The following ROR2 variants were observed in gnomAD, a reference collection of about 807,000 sequenced individuals.
ROR2 encodes the protein tyrosine-protein kinase transmembrane receptor ROR2.
Under a neutral mutation model 74.9 loss-of-function variants are expected in ROR2, and 33 were observed. The observed-to-expected ratio is 0.44, with a 90% CI of 0.33 to 0.59. The LOEUF is 0.59. Among genes scored for constraint, ROR2 ranks in the 20% least tolerant of loss-of-function variants. The pLI, the probability that ROR2 is intolerant of heterozygous loss-of-function variation, is 0.02. For synonymous variants in ROR2, 586 were observed against 558.7 expected (o/e 1.05, Z -0.69); for missense variants, 1,216 against 1,313.8 (o/e 0.93, Z 1.15).
In ROR2 at chr9:91,733,971, G is replaced by A. The variant is rs1824928763; in HGVS notation, c.623-535C>T. Among the ~76,000 whole-genome samples the A allele has an allele frequency of 6.6e-6, 1 of 152,180 alleles. No individual in the cohort carries two copies. ...TTGGTAAAATGCGGAAAGCCAAGAG[G>A]GTGAGAGCAGCAAAGTGGGAGGAGA... is the stretch of plus-strand genomic sequence containing the variant. On this transcript the variant is annotated intron_variant, in intron 5 of 8. Transcript: ENST00000375708. This position sits in a 1 kb window ranked among gnomAD's most constrained non-coding sequence, Gnocchi z 5.7.
Position 91,724,519 on chromosome 9 carries a change from T to C in ROR2, c.1975A>G (p.Met659Val). The C allele has an allele frequency of 1.2e-6, 2 of 1,614,172 alleles. No individual in the cohort carries two copies. The highest frequency in any genetic ancestry group is 1.7e-6 in the Non-Finnish European group (2 of 1,180,034). The change falls in exon 9 of 9, where the codon ATG (methionine) becomes GTG (valine). Residue 659 changes from methionine (M) to valine (V), a missense_variant. Coordinates refer to ENST00000375708, the MANE Select transcript of ROR2 (RefSeq NM_004560.4). ...CCGTACATGATGGCCTCTGGGGCCA[T>C]CCAGCGGATAGGCAGCAGCGAGTTC... Reference protein sequence around the residue: ...LGNSLLPIRWMAPEAIMYGKF... With the variant: ...LGNSLLPIRWVAPEAIMYGKF...
At position 91,785,191 on chromosome 9, in the gene ROR2, A is replaced by G. The variant is rs958699158; in HGVS notation, c.98-9373T>C. On this transcript the variant is annotated intron_variant, in intron 1 of 8. Coordinates refer to ENST00000375708, the MANE Select transcript of ROR2 (RefSeq NM_004560.4). ...TTCCAGCTGCTCCCCTGCAGTTTGC[A>G]TTTATTCTTTCCTCTGCCTGGAAAA... Among the ~76,000 whole-genome samples the G allele has an allele frequency of 1.4e-4, 22 of 152,044 alleles. 1 individual carries two copies. Among genetic ancestry groups the G allele is most frequent in the Non-Finnish European group, 3.2e-4 (22 of 68,018 alleles).
intron 1 of ROR2, among the ~76,000 whole-genome samples, chr9:91,806,629 GC>G (rs1212183673): frequency 6.6e-6 from 1 of 152,064 alleles, no homozygotes; most frequent in Non-Finnish European, 1.5e-5. Flanking sequence ...TCGCTCTGTC[GC>G]CCAGGCTGGA....
chr9:91,893,570 T>G (rs1830473788), intron 1 of ROR2, among the ~76,000 whole-genome samples: 1 of 152,238 alleles, frequency 6.6e-6, no homozygotes. Flanking sequence ...TCTTCCCATT[T>G]TACTCATTTT....
intron 1 of ROR2, among the ~76,000 whole-genome samples, chr9:91,947,796 C>T (rs551682547): frequency 7.9e-5 from 12 of 152,162 alleles, no homozygotes; most frequent in Non-Finnish European, 1.3e-4. Flanking sequence ...TAAATTATTT[C>T]GTGGATAAAA....
chr9:91,898,934 C>T (rs1830604588), intron 1 of ROR2, among the ~76,000 whole-genome samples: 2 of 152,190 alleles, frequency 1.3e-5, no homozygotes, highest in South Asian at 4.1e-4. Flanking sequence ...CTCAGACACC[C>T]GATGCCACGT....
intron 7 of ROR2, among the ~76,000 whole-genome samples, chr9:91,727,037 T>A (rs1434616884): frequency 6.6e-6 from 1 of 152,160 alleles, no homozygotes; most frequent in East Asian, 1.9e-4. Context: ...AACGACCACA[T>A]CCGCTTTCTG....
chr9:91,778,022 A>T (rs1826478583), intron 1 of ROR2, among the ~76,000 whole-genome samples: 1 of 152,214 alleles, frequency 6.6e-6, no homozygotes, highest in Non-Finnish European at 1.5e-5. Context: ...TGACTGAAGT[A>T]TGAAAGGGAG....
chr9:91,792,875 A>C (rs1392144150), intron 1 of ROR2, among the ~76,000 whole-genome samples: 1 of 152,218 alleles, frequency 6.6e-6, no homozygotes, highest in Non-Finnish European at 1.5e-5. Flanking sequence ...TATTAAGTAA[A>C]GAGGTTGAAT....
intron 3 of ROR2, among the ~76,000 whole-genome samples, chr9:91,756,908 G>T (rs1042811613): frequency 1.3e-5 from 2 of 151,798 alleles, no homozygotes; most frequent in Non-Finnish European, 2.9e-5. Flanking sequence ...CCGCCACCAT[G>T]CCAGGCTAAT....
At position 91,724,573 on chromosome 9, in the gene ROR2, A is replaced by G; in HGVS notation, c.1921T>C (p.Tyr641His). 6.2e-7 allele frequency: 1 copy of G among 1,614,208 alleles called. No homozygotes were observed. The highest frequency in any genetic ancestry group is 8.5e-7 in the Non-Finnish European group (1 of 1,180,042). The change falls in exon 9 of 9, where the codon TAT becomes CAT. Residue 641 changes from tyrosine to histidine, a missense_variant. By Grantham distance (83) the Tyr-to-His change is moderately conservative. Coordinates refer to ENST00000375708, the MANE Select transcript of ROR2 (RefSeq NM_004560.4). ...AGCAGCTTGTAGTAATCGGCGGCATACACCTCTCGGAAGAGGCCCAAGTCT... is the reference window on the plus strand; with the variant it reads ...AGCAGCTTGTAGTAATCGGCGGCATGCACCTCTCGGAAGAGGCCCAAGTCT... ...ISDLGLFREV[Y>H]AADYYKLLGN...
Position 91,726,553 on chromosome 9 carries a change from G to A in ROR2, c.1374C>T (p.Asn458=). 1 of 1,612,460 alleles carries A rather than the reference G, an allele frequency of 6.2e-7. No homozygotes were observed. The highest frequency in any genetic ancestry group is 8.5e-7 in the Non-Finnish European group (1 of 1,180,020). Residue 458 remains asparagine (N), a synonymous_variant, in exon 8 of 9, where the codon AAC becomes AAT. Transcript: ENST00000375708. ...PSQDMEMPLI[N]QHKQAKLKEI... is the part of the protein sequence containing the mutation. ...AAGGCATGGAGACCTGTTTGTGCTG[G>A]TTAATGAGGGGCATTTCCATGTCTT...
chr9:91,724,987 C>G lies in ROR2; in HGVS notation c.1507G>C (p.Ala503Pro). 1 of 1,613,800 alleles carries G rather than the reference C, an allele frequency of 6.2e-7. No individual in the cohort carries two copies. Among genetic ancestry groups the G allele is most frequent in the Non-Finnish European group, 8.5e-7 (1 of 1,180,040 alleles). Reference sequence around the variant, plus strand: ...TCCTTCAGCGTTTTGATGGCCACAGCCTGGGTCTGCTCCCCCGGGGCAGGG... The same window carrying G: ...TCCTTCAGCGTTTTGATGGCCACAGGCTGGGTCTGCTCCCCCGGGGCAGGG... ...FGPAPGEQTQ[A>P]VAIKTLKDKA... Residue 503 changes from alanine to proline, a missense_variant, in exon 9 of 9, where the codon GCT (alanine) becomes CCT (proline). Ala to Pro is a conservative substitution (Grantham distance 27). Transcript: ENST00000375708.
Position 91,870,642 on chromosome 9 carries a change from G to C in ROR2, c.97+79225C>G, listed in dbSNP as rs543281485. On this transcript the variant is annotated intron_variant, in intron 1 of 8. Transcript: ENST00000375708. ...GTTGAAAACAACTCAAGATCAAAAGGAGATTTTTAACATCAAATAAAGTAC... is the reference window on the plus strand; with the variant it reads ...GTTGAAAACAACTCAAGATCAAAAGCAGATTTTTAACATCAAATAAAGTAC... Among the ~76,000 whole-genome samples, 108 of 152,294 alleles carry C rather than the reference G, an allele frequency of 7.1e-4. 1 individual carries two copies. Among genetic ancestry groups the C allele is most frequent in the Non-Finnish European group, 1.3e-3 (88 of 68,034 alleles).
At chr9:91,900,298 G>A (rs1285227585) in intron 1 of ROR2, among the ~76,000 whole-genome samples, 2 of 152,228 alleles carry the variant, frequency 1.3e-5, no homozygotes, top group African/African-American at 4.8e-5. Flanking sequence ...GCAAGGGGCT[G>A]CAGGAAGGGC....
intron 1 of ROR2, among the ~76,000 whole-genome samples, chr9:91,841,536 GATA>G (rs1828781414): frequency 6.6e-6 from 1 of 152,236 alleles, no homozygotes; most frequent in Non-Finnish European, 1.5e-5. Flanking sequence ...GGTTTAAGGT[GATA>G]ATGTTTTAAA....
chr9:91,877,831 G>GT (rs1400913529), intron 1 of ROR2, among the ~76,000 whole-genome samples: 1 of 152,214 alleles, frequency 6.6e-6, no homozygotes, highest in Non-Finnish European at 1.5e-5. Context: ...CCCAACCTGG[G>GT]TGGGAGAGTG....
In ROR2 at chr9:91,723,769, C is replaced by G. The variant is rs778811682; in HGVS notation, c.2725G>C (p.Val909Leu). 1.9e-6 allele frequency: 3 copies of G among 1,613,674 alleles called. No individual in the cohort carries two copies. The African/African-American group carries it at 4.0e-5, about 22-fold the overall frequency. The change falls in exon 9 of 9, where the codon GTG becomes CTG. Residue 909 changes from valine to leucine, a missense_variant. Physicochemically the swap from Val to Leu is conservative, Grantham distance 32. Transcript: ENST00000375708. ...NAPEDGAQST[V>L]QEAEEEEEGS... ...TCCTCCTCCTCCTCTGCTTCCTGCA[C>G]GGTGCTCTGGGCCCCATCTTCTGGG...
intron 4 of ROR2, among the ~76,000 whole-genome samples, chr9:91,740,218 C>T (rs891306477): frequency 1.3e-5 from 2 of 152,114 alleles, no homozygotes; most frequent in Non-Finnish European, 2.9e-5. Flanking sequence ...ATACCCCGCT[C>T]ACACTTCCCT....
Sources: allele counts gnomAD v4.1 joint callset (sites outside exome capture counted in the v4.1 genomes callset), GRCh38; gene constraint gnomAD v4.1.1; non-coding constraint Gnocchi (gnomAD v3.1); transcripts MANE v1.5; gene names NCBI Gene and HGNC (gene_info 2026-07-23, HGNC 2026-07-21).